GPAT4: variants seen among roughly 807,000 people sequenced by gnomAD.
The protein encoded by GPAT4 is 1-AGP acyltransferase 6.
A neutral mutation model predicts 58.0 loss-of-function variants in GPAT4; 17 were observed. The ratio of observed to expected loss-of-function variants is 0.29; its 90% CI spans 0.20 to 0.44. The LOEUF is 0.44. Ranked by LOEUF, GPAT4 falls within the 20% of genes least tolerant of loss-of-function variation. The pLI is 1.00. For synonymous variants in GPAT4, 204 were observed against 210.1 expected (o/e 0.97, Z 0.25); for missense variants, 377 against 574.5 (o/e 0.66, Z 3.51).
At chr8:41,593,351 C>T (rs913219272) in intron 1 of GPAT4, among the ~76,000 whole-genome samples, 10 of 152,164 alleles carry the variant, frequency 6.6e-5, no homozygotes, top group African/African-American at 2.4e-4. Flanking sequence ...AGAGTTCCAG[C>T]ACATTTATAA....
At chr8:41,588,161 T>G (rs756345400) in intron 1 of GPAT4, among the ~76,000 whole-genome samples, 1 of 152,122 alleles carries the variant, frequency 6.6e-6, no homozygotes, top group Non-Finnish European at 1.5e-5. Flanking sequence ...TACCATTCAT[T>G]GAGATCTAAC....
Position 41,588,615 on chromosome 8 carries a change from G to A in GPAT4, c.-848-9677G>A, listed in dbSNP as rs139942609. Among the ~76,000 whole-genome samples, 459 of 150,710 alleles carry A rather than the reference G, an allele frequency of 3.0e-3. 1 individual carries two copies. The highest frequency in any genetic ancestry group is 4.8e-3 in the Non-Finnish European group (322 of 67,770). On this transcript the variant is annotated intron_variant, in intron 1 of 12. Coordinates refer to ENST00000396987, the MANE Select transcript of GPAT4 (RefSeq NM_178819.4). ...TCATAGTTTGAAATTACAACTTTTTGTGTGCTTGTTTCCGGATGGGCATAT... is the reference window on the plus strand; with the variant it reads ...TCATAGTTTGAAATTACAACTTTTTATGTGCTTGTTTCCGGATGGGCATAT...
At chr8:41,580,906 T>C (rs1369200416) in intron 1 of GPAT4, among the ~76,000 whole-genome samples, 2 of 152,218 alleles carry the variant, frequency 1.3e-5, no homozygotes, top group African/African-American at 4.8e-5. Context: ...AAGTGGTTTC[T>C]GCTAAAGAAA....
chr8:41,609,364 T>C, intron 2 of GPAT4, 52 bp from the exon 3 acceptor site: 1 of 1,561,420 alleles, frequency 6.4e-7, no homozygotes, highest in Admixed American at 1.7e-5. Context: ...TGTTCACTGA[T>C]TGAAAACAGG....
chr8:41,615,773 A>G (rs536996818), intron 10 of GPAT4, among the ~76,000 whole-genome samples: 13 of 152,312 alleles, frequency 8.5e-5, no homozygotes, highest in Non-Finnish European at 1.6e-4. Context: ...AGCTCGATAA[A>G]ATGGTGAGCA....
Position 41,599,136 on chromosome 8 carries a change from C to T in GPAT4, c.-4C>T. ...AGGTGCTGGCCTGGCCTGGATCTTC[C>T]ACCATGTTCCTGTTGCTGCCTTTTG... is the stretch of plus-strand genomic sequence containing the variant. On this transcript the variant is annotated 5_prime_UTR_variant, in exon 2 of 13. Transcript: ENST00000396987. The T allele has an allele frequency of 1.2e-6, 2 of 1,609,350 alleles. No homozygotes were observed.
intron 1 of GPAT4, among the ~76,000 whole-genome samples, chr8:41,583,826 A>G (rs902535461): frequency 2.0e-5 from 3 of 152,320 alleles, no homozygotes; most frequent in African/African-American, 7.2e-5. Flanking sequence ...TCTTTGCACA[A>G]TTAGAAGTAT....
chr8:41,602,742 C>T (rs1014519575), intron 2 of GPAT4, among the ~76,000 whole-genome samples: 12 of 152,068 alleles, frequency 7.9e-5, no homozygotes, highest in African/African-American at 2.2e-4. Context: ...GCTGCTATAA[C>T]GAACTACCAT....
intron 2 of GPAT4, among the ~76,000 whole-genome samples, chr8:41,603,672 G>C (rs1305745174): frequency 1.3e-5 from 2 of 152,108 alleles, no homozygotes; most frequent in Non-Finnish European, 2.9e-5. Context: ...GGATGTGGGG[G>C]GGCAGGATGC....
rs1421020969 is a variant in GPAT4 at position 41,599,305 on chromosome 8, G to A, written c.165+1G>A. ...GAAAAGTCTGTTAAAAATCTTTGCG[G>A]TAAGTTATGCTGTTACAAAAGGTTG... On this transcript the variant is annotated splice_donor_variant, in intron 2 of 12. Transcript: ENST00000396987. LOFTEE classifies it high-confidence loss of function. 6.2e-7 allele frequency: 1 copy of A among 1,613,800 alleles called. No individual in the cohort carries two copies. Among genetic ancestry groups the A allele is most frequent in the South Asian group, 1.1e-5 (1 of 90,988 alleles).
chr8:41,616,532 T>C (rs879382303), intron 10 of GPAT4, among the ~76,000 whole-genome samples: 5 of 152,296 alleles, frequency 3.3e-5, no homozygotes, highest in Middle Eastern at 6.8e-3. Context: ...TGGACTCAAG[T>C]GATCCGCCTG....
At chr8:41,600,031 C>CTTTTTTTTT (rs1563273268) in intron 2 of GPAT4, among the ~76,000 whole-genome samples, 1 of 75,440 alleles carries the variant, frequency 1.3e-5, no homozygotes, top group Non-Finnish European at 2.8e-5. Flanking sequence ...TTATCTTTTT[C>CTTTTTTTTT]TTTTCTTTTT....
At chr8:41,614,593 A>G (rs1803541772) in intron 9 of GPAT4, 152 bp downstream of exon 9, 3 of 758,714 alleles carry the variant, frequency 4.0e-6, no homozygotes, top group Non-Finnish European at 6.5e-6. Context: ...AAGTAGGACT[A>G]AAAACTCAGG....
At chr8:41,610,196 A>G (rs1164202938) in intron 4 of GPAT4, 2 of 1,365,776 alleles carry the variant, frequency 1.5e-6, no homozygotes, top group Admixed American at 3.4e-5. Context: ...TCTAGATGAC[A>G]GCAAACACAG....
chr8:41,619,916 T>C (rs892950288), intron 12 of GPAT4, among the ~76,000 whole-genome samples: 3 of 152,210 alleles, frequency 2.0e-5, no homozygotes, highest in African/African-American at 7.2e-5. Context: ...TGATCGTCTC[T>C]TTCGCCCTCA....
intron 1 of GPAT4, among the ~76,000 whole-genome samples, chr8:41,586,461 T>G (rs907230945): frequency 6.6e-6 from 1 of 152,184 alleles, no homozygotes; most frequent in Non-Finnish European, 1.5e-5. Flanking sequence ...CATGGTAACT[T>G]TGTTTAACCA....
At chr8:41,588,630 G>A (rs1802714772) in intron 1 of GPAT4, among the ~76,000 whole-genome samples, 2 of 151,976 alleles carry the variant, frequency 1.3e-5, no homozygotes, top group Admixed American at 6.5e-5. Context: ...CTTGTTTCCG[G>A]ATGGGCATAT....
chr8:41,607,897 A>G (rs909165644), intron 2 of GPAT4, among the ~76,000 whole-genome samples: 2 of 152,140 alleles, frequency 1.3e-5, no homozygotes, highest in Non-Finnish European at 2.9e-5. Context: ...GTAGAACCCT[A>G]AATTCTGGTT....
At chr8:41,586,024 A>G (rs1802646457) in intron 1 of GPAT4, among the ~76,000 whole-genome samples, 1 of 152,266 alleles carries the variant, frequency 6.6e-6, no homozygotes, top group Non-Finnish European at 1.5e-5. Flanking sequence ...ATAGTCATCA[A>G]CAGAGTCAGT....
Sources: gnomAD v4.1 joint callset for allele counts (sites outside exome capture counted in the v4.1 genomes callset) on GRCh38, gnomAD v4.1.1 for gene constraint, MANE v1.5 for transcripts, NCBI Gene and HGNC (gene_info 2026-07-23, HGNC 2026-07-21) for gene names.